CSMD1: variants seen among roughly 807,000 people sequenced by gnomAD.
CSMD1 encodes CUB and sushi domain-containing protein 1.
In CSMD1, 213 loss-of-function variants were observed where a neutral mutation model predicts 417.5. The observed-to-expected ratio is 0.51, with a 90% CI of 0.46 to 0.57. The LOEUF is 0.57. CSMD1 is among the 20% of genes least tolerant of loss of function. The pLI, the probability that CSMD1 is intolerant of heterozygous loss-of-function variation, is 0.00. For missense variants in CSMD1, 6,923 were observed against 4,529.7 expected, an observed-to-expected ratio of 1.53 and a Z score of -15.17; for synonymous variants, 2,862 against 1,736.8, an observed-to-expected ratio of 1.65 and a Z score of -16.11.
At chr8:3,454,379 T>G (rs957389989) in intron 12 of CSMD1, among the ~76,000 whole-genome samples, 1 of 152,176 alleles carries the variant, frequency 6.6e-6, no homozygotes, top group African/African-American at 2.4e-5. Flanking sequence ...TTATTTTGCT[T>G]GTTAGTTGAG....
chr8:4,799,187 C>G (rs1286160104), intron 1 of CSMD1, among the ~76,000 whole-genome samples: 2 of 151,928 alleles, frequency 1.3e-5, no homozygotes, highest in African/African-American at 4.8e-5. Flanking sequence ...CAGGCACTCA[C>G]AAGGGAATAA....
chr8:4,693,512 A>C (rs1357700523), intron 1 of CSMD1, among the ~76,000 whole-genome samples: 1 of 152,050 alleles, frequency 6.6e-6, no homozygotes, highest in Non-Finnish European at 1.5e-5. Flanking sequence ...CTCTTTTTTC[A>C]CTTGAGTCTG....
intron 5 of CSMD1, among the ~76,000 whole-genome samples, chr8:3,892,251 C>G (rs1030040351): frequency 2.6e-5 from 4 of 152,154 alleles, no homozygotes; most frequent in African/African-American, 9.7e-5. Flanking sequence ...ACTCAGATAC[C>G]TGAACATTCA....
intron 2 of CSMD1, among the ~76,000 whole-genome samples, chr8:4,486,339 G>C (rs1801417238): frequency 6.7e-6 from 1 of 149,024 alleles, no homozygotes; most frequent in Non-Finnish European, 1.5e-5. Flanking sequence ...ACAGTAATTT[G>C]CGACGATTCT....
At chr8:3,078,346 G>A (rs562981776) in intron 49 of CSMD1, among the ~76,000 whole-genome samples, 6 of 152,292 alleles carry the variant, frequency 3.9e-5, no homozygotes, top group African/African-American at 1.4e-4. Context: ...TGCTCGATGT[G>A]TGCTAAGCAT....
At chr8:4,640,476 G>C (rs759880033) in intron 1 of CSMD1, among the ~76,000 whole-genome samples, 5 of 152,160 alleles carry the variant, frequency 3.3e-5, no homozygotes, top group Non-Finnish European at 5.9e-5. Context: ...CAAAGATATA[G>C]AATCTAGATT....
intron 3 of CSMD1, among the ~76,000 whole-genome samples, chr8:4,097,892 A>G (rs1801105033): frequency 6.6e-6 from 1 of 152,198 alleles, no homozygotes; most frequent in Admixed American, 6.6e-5. Flanking sequence ...GGGCTTCATC[A>G]GCTGAACATT....
intron 3 of CSMD1, among the ~76,000 whole-genome samples, chr8:4,217,326 G>T (rs886158890): frequency 1.3e-5 from 2 of 152,164 alleles, no homozygotes; most frequent in African/African-American, 4.8e-5. Flanking sequence ...TGTGTGCCAG[G>T]TGCTGCCTTG....
chr8:4,945,659 G>A (rs1808316251), intron 1 of CSMD1, among the ~76,000 whole-genome samples: 1 of 152,112 alleles, frequency 6.6e-6, no homozygotes, highest in African/African-American at 2.4e-5. Context: ...TTAGTTTTGG[G>A]AAAGGAGACT....
chr8:4,696,632 A>ACT (rs1247776949), intron 1 of CSMD1, among the ~76,000 whole-genome samples: 1 of 152,154 alleles, frequency 6.6e-6, no homozygotes, highest in Non-Finnish European at 1.5e-5. Flanking sequence ...CGTATTTCAT[A>ACT]CTTTTTTCAT....
chr8:3,756,149 G>A (rs1432414016), intron 5 of CSMD1, among the ~76,000 whole-genome samples: 2 of 151,954 alleles, frequency 1.3e-5, no homozygotes, highest in African/African-American at 2.4e-5. Context: ...GAGGTCAGGA[G>A]ATCGAGACCA....
chr8:2,979,294 T>C (rs573206098), intron 54 of CSMD1, among the ~76,000 whole-genome samples: 1 of 152,334 alleles, frequency 6.6e-6, no homozygotes, highest in African/African-American at 2.4e-5. Context: ...AAAATGACAA[T>C]TATTCCATCA....
intron 6 of CSMD1, among the ~76,000 whole-genome samples, chr8:3,720,560 A>G (rs1802095292): frequency 6.6e-6 from 1 of 151,698 alleles, no homozygotes; most frequent in African/African-American, 2.4e-5. Context: ...CTTCTTAAAC[A>G]GGGGTGACAC....
intron 5 of CSMD1, among the ~76,000 whole-genome samples, chr8:3,801,041 T>G (rs558558669): frequency 6.6e-6 from 1 of 152,066 alleles, no homozygotes; most frequent in Non-Finnish European, 1.5e-5. Flanking sequence ...AGTAAATCTT[T>G]ATAACCGTGG....
At chr8:3,192,964 C>T (rs966261038) in intron 33 of CSMD1, among the ~76,000 whole-genome samples, 5 of 152,084 alleles carry the variant, frequency 3.3e-5, no homozygotes, top group African/African-American at 1.2e-4. Context: ...CCCATAGAGG[C>T]TTCCACAGTC....
chr8:4,400,327 C>A (rs1367208393), intron 3 of CSMD1, among the ~76,000 whole-genome samples: 1 of 152,140 alleles, frequency 6.6e-6, no homozygotes, highest in East Asian at 1.9e-4. Flanking sequence ...CCATAGGAAA[C>A]TGTTTTGTGT....
At chr8:3,459,193 G>A (rs1011899742) in intron 12 of CSMD1, among the ~76,000 whole-genome samples, 3 of 152,198 alleles carry the variant, frequency 2.0e-5, no homozygotes, top group African/African-American at 7.2e-5. Context: ...TCAGTGACTT[G>A]CTCTGTGGTG....
chr8:4,598,412 G>A (rs1003084089), intron 2 of CSMD1, among the ~76,000 whole-genome samples: 9 of 152,148 alleles, frequency 5.9e-5, no homozygotes, highest in African/African-American at 2.2e-4. Context: ...GTCATATAAG[G>A]TCATGGAAAT....
chr8:4,979,354 A>C (rs1810745494), intron 1 of CSMD1, among the ~76,000 whole-genome samples: 1 of 152,106 alleles, frequency 6.6e-6, no homozygotes, highest in Non-Finnish European at 1.5e-5. Context: ...TCCCTTTGTA[A>C]AGACAAAGAA....
Sources: gnomAD v4.1 joint callset for allele counts (sites outside exome capture counted in the v4.1 genomes callset) on GRCh38, gnomAD v4.1.1 for gene constraint, MANE v1.5 for transcripts, NCBI Gene and HGNC (gene_info 2026-07-23, HGNC 2026-07-21) for gene names.